The following CDH13 variants were observed in gnomAD, a reference collection of about 807,000 sequenced individuals.
CDH13 encodes the protein cadherin-13.
A neutral mutation model predicts 63.8 loss-of-function variants in CDH13; 24 were observed. The ratio of observed to expected loss-of-function variants is 0.38; its 90% CI spans 0.27 to 0.53. The LOEUF (loss-of-function observed/expected upper bound fraction) is 0.53, where lower values mean the gene tolerates loss of function less well. CDH13 is among the 20% of genes least tolerant of loss of function. The probability of loss-of-function intolerance (pLI) is 0.85; values close to 1 mark genes in which losing one functional copy is unlikely to be tolerated. For missense variants in CDH13, 1,049 were observed against 903.1 expected (o/e 1.16, Z -2.07); for synonymous variants, 503 against 355.3 (o/e 1.42, Z -4.67).
chr16:83,367,027 G>C (rs1249526692), intron 6 of CDH13, among the ~76,000 whole-genome samples: 1 of 151,626 alleles, frequency 6.6e-6, no homozygotes, highest in African/African-American at 2.4e-5. Flanking sequence ...AATGTTTTTT[G>C]GTCTATTTAT....
chr16:82,811,475 A>G (rs183510539), intron 1 of CDH13, among the ~76,000 whole-genome samples: 66 of 152,292 alleles, frequency 4.3e-4, no homozygotes, highest in Non-Finnish European at 7.8e-4. Flanking sequence ...CTTTTTTCCT[A>G]TAACTGGTGA....
intron 1 of CDH13, among the ~76,000 whole-genome samples, chr16:82,830,819 C>G (rs2038505017): frequency 6.6e-6 from 1 of 152,164 alleles, no homozygotes; most frequent in Admixed American, 6.5e-5. Flanking sequence ...TAATCCCACC[C>G]TGGGCATAGC....
At position 82,687,847 on chromosome 16, in the gene CDH13, C is replaced by T. The variant is rs556807290; in HGVS notation, c.45+60710C>T. ...AGTCTCTTTTCAAACTGGCTGTCCT[C>T]GGGGGTAGGAGCAGAGCCAGGGCAA... On this transcript the variant is annotated intron_variant, in intron 1 of 13. Transcript: ENST00000567109. 1.6e-4 allele frequency among the ~76,000 whole-genome samples: 25 copies of T among 152,134 alleles called. 2 individuals are homozygous for T. In the South Asian group the frequency reaches 3.7e-3, roughly 23 times the overall value.
chr16:82,713,678 T>C (rs540457870), intron 1 of CDH13, among the ~76,000 whole-genome samples: 1 of 152,170 alleles, frequency 6.6e-6, no homozygotes, highest in Admixed American at 6.5e-5. Context: ...CAAAAGCAAA[T>C]GCATACCAGA....
intron 3 of CDH13, among the ~76,000 whole-genome samples, chr16:83,068,730 T>A (rs1417589538): frequency 6.6e-6 from 1 of 152,168 alleles, no homozygotes; most frequent in Admixed American, 6.6e-5. Context: ...ATAAAAAGGT[T>A]GGGAATGGTT....
intron 7 of CDH13, among the ~76,000 whole-genome samples, chr16:83,491,482 G>A (rs1035180080): frequency 6.6e-6 from 1 of 151,840 alleles, no homozygotes; most frequent in Non-Finnish European, 1.5e-5. Flanking sequence ...CATCTTGGCT[G>A]CTAGACTGAA....
intron 11 of CDH13, among the ~76,000 whole-genome samples, chr16:83,753,512 C>CTCTA (rs1350874867): frequency 6.6e-6 from 1 of 152,174 alleles, no homozygotes; most frequent in Non-Finnish European, 1.5e-5. Context: ...CACCGCTGCA[C>CTCTA]TCTAGCCTGG....
intron 12 of CDH13, 93 bp from the exon 13 acceptor site, chr16:83,783,161 T>A: frequency 1.3e-6 from 1 of 793,080 alleles, no homozygotes; most frequent in Non-Finnish European, 2.1e-6. Flanking sequence ...GAAAATGCAA[T>A]GCCTGTTTGG....
intron 7 of CDH13, among the ~76,000 whole-genome samples, chr16:83,572,312 G>A (rs114569789): frequency 0.064 from 9,724 of 151,820 alleles, 491 homozygotes; most frequent in South Asian, 0.14. Context: ...TCAGCCTCCC[G>A]AGTAGCTGGG....
intron 1 of CDH13, among the ~76,000 whole-genome samples, chr16:82,630,626 A>C (rs1029573275): frequency 1.3e-5 from 2 of 152,246 alleles, no homozygotes; most frequent in African/African-American, 4.8e-5. Flanking sequence ...GGATGTGTAA[A>C]CTGAGCCTCA....
chr16:83,539,925 G>T lies in CDH13; in HGVS notation c.960+53270G>T, dbSNP rs141987929. The stretch of plus-strand genomic sequence containing the variant: ...TCTCCCTGAGGGAGAATTTGAGCGT[G>T]ATTAATTCCCTGACATTCCATTGGT... On this transcript the variant is annotated intron_variant, in intron 7 of 13. Transcript: ENST00000567109. 1.3e-4 allele frequency among the ~76,000 whole-genome samples: 20 copies of T among 152,252 alleles called. 1 individual carries two copies. In the East Asian group the frequency reaches 3.9e-3, roughly 29 times the overall value.
chr16:82,702,532 G>A (rs181578401), intron 1 of CDH13, among the ~76,000 whole-genome samples: 4 of 152,094 alleles, frequency 2.6e-5, no homozygotes, highest in African/African-American at 7.2e-5. Flanking sequence ...AGAAGTTAAT[G>A]GAGGTTTTCT....
chr16:83,499,758 G>T (rs963107735), intron 7 of CDH13, among the ~76,000 whole-genome samples: 3 of 152,140 alleles, frequency 2.0e-5, no homozygotes, highest in Non-Finnish European at 4.4e-5. Flanking sequence ...TTCTAGTTTG[G>T]GTGCAGTGGC....
intron 3 of CDH13, among the ~76,000 whole-genome samples, chr16:83,035,101 A>G (rs899561099): frequency 3.3e-5 from 5 of 152,168 alleles, no homozygotes; most frequent in African/African-American, 4.8e-5. Flanking sequence ...AGGAAAAAAA[A>G]ATAAAAAGAA....
intron 3 of CDH13, among the ~76,000 whole-genome samples, chr16:83,049,347 G>A (rs75918248): frequency 3.8e-5 from 1 of 26,306 alleles, no homozygotes; most frequent in East Asian, 1.2e-3. Flanking sequence ...TTTTTTTTTT[G>A]AGACAGAGTC....
intron 1 of CDH13, among the ~76,000 whole-genome samples, chr16:82,747,918 C>T (rs2034249913): frequency 6.6e-6 from 1 of 152,140 alleles, no homozygotes; most frequent in Non-Finnish European, 1.5e-5. Context: ...ATCCAGGCAA[C>T]CTTCTTTTTT....
At chr16:83,040,458 C>A (rs1314108927) in intron 3 of CDH13, among the ~76,000 whole-genome samples, 1 of 152,158 alleles carries the variant, frequency 6.6e-6, no homozygotes, top group East Asian at 1.9e-4. Flanking sequence ...GGCCCCAGAG[C>A]TTCTGGCAAA....
intron 1 of CDH13, among the ~76,000 whole-genome samples, chr16:82,714,330 C>G (rs892761985): frequency 2.6e-5 from 4 of 151,882 alleles, no homozygotes; most frequent in Admixed American, 6.5e-5. Context: ...AAATGTAACA[C>G]TATTTGGCAA....
chr16:83,352,678 C>T lies in CDH13; in HGVS notation c.781+7672C>T, dbSNP rs184044738. ...GGGTGAGGCAGGTGGATCACGAGGTCAGGAGATCGAGACCATCCTGGCTAA... is the reference window on the plus strand; with the variant it reads ...GGGTGAGGCAGGTGGATCACGAGGTTAGGAGATCGAGACCATCCTGGCTAA... On this transcript the variant is annotated intron_variant, in intron 6 of 13. Coordinates refer to ENST00000567109, the MANE Select transcript of CDH13 (RefSeq NM_001257.5). Among the ~76,000 whole-genome samples the T allele has an allele frequency of 7.7e-3, 1,177 of 152,288 alleles. 8 individuals carry two copies. The highest frequency in any genetic ancestry group is 0.011 in the Non-Finnish European group (781 of 68,024).
Sources: gnomAD v4.1 joint callset for allele counts (sites outside exome capture counted in the v4.1 genomes callset) on GRCh38, gnomAD v4.1.1 for gene constraint, MANE v1.5 for transcripts, NCBI Gene and HGNC (gene_info 2026-07-23, HGNC 2026-07-21) for gene names.